The following CENPE variants were observed in gnomAD, a reference collection of about 807,000 sequenced individuals.
CENPE encodes centromere-associated protein E.
CENPE carries 145 observed loss-of-function variants against 336.1 expected under a neutral mutation model. That is an observed-to-expected ratio of 0.43 (90% CI 0.38 to 0.50). CENPE has a LOEUF of 0.50. Among genes scored for constraint, CENPE ranks in the 20% least tolerant of loss-of-function variants. The pLI is 0.00. For missense variants in CENPE, 2,719 were observed against 3,023.3 expected (o/e 0.90, Z 2.36); for synonymous variants, 1,013 against 984.8 (o/e 1.03, Z -0.54).
chr4:103,196,176 T>A lies in CENPE; in HGVS notation c.225A>T (p.Ile75=), dbSNP rs1757716906. The stretch of plus-strand genomic sequence containing the variant: ...GTGAATACAAACCATTGTAGCCTTG[T>A]ATGGCAGAATCGATGATTGGTGCTG... The part of the protein sequence containing the change: ...EIAAPIIDSA[I]QGYNGTIFAY... The change falls in exon 3 of 49, where the codon ATA becomes ATT. Residue 75 remains isoleucine, a synonymous_variant. Transcript: ENST00000265148. 2.5e-6 allele frequency: 4 copies of A among 1,613,812 alleles called. No individual in the cohort carries two copies. The highest frequency in any genetic ancestry group is 2.5e-6 in the Non-Finnish European group (3 of 1,179,700).
At chr4:103,165,001 A>C (rs1044718921) in intron 16 of CENPE, among the ~76,000 whole-genome samples, 5 of 152,184 alleles carry the variant, frequency 3.3e-5, no homozygotes, top group African/African-American at 1.2e-4. Flanking sequence ...TTTAAAGAAT[A>C]CTAATTTAGA....
chr4:103,122,955 C>A lies in CENPE; in HGVS notation c.7059G>T (p.Leu2353Phe). 2 of 1,613,962 alleles carry A rather than the reference C, an allele frequency of 1.2e-6. No homozygotes were observed. Among genetic ancestry groups the A allele is most frequent in the Non-Finnish European group, 1.7e-6 (2 of 1,179,896 alleles). Residue 2353 changes from leucine to phenylalanine, a missense_variant, in exon 43 of 49, where the codon TTG (leucine) becomes TTT (phenylalanine). Leu to Phe is a conservative substitution (Grantham distance 22). This residue lies in a region of CENPE where 2,437 missense variants were observed against 2,513.3 expected (regional missense o/e 0.97). Coordinates refer to ENST00000265148, the MANE Select transcript of CENPE (RefSeq NM_001813.3). ...TAGGATTAACCTGGGCACCAGATGC[C>A]AAGGAAGTCTTCAATGTTTGGTAGT... is the stretch of plus-strand genomic sequence containing the variant. ...FKNYQTLKTS[L>F]ASGAQVNPTT... is the part of the protein sequence containing the mutation.
intron 24 of CENPE, among the ~76,000 whole-genome samples, chr4:103,156,193 C>G (rs916398532): frequency 6.6e-6 from 1 of 152,148 alleles, no homozygotes; most frequent in African/African-American, 2.4e-5. Context: ...TAATCCCTAT[C>G]AAAATCCCAA....
At chr4:103,138,097 A>G (rs1752221225) in intron 39 of CENPE, among the ~76,000 whole-genome samples, 2 of 152,074 alleles carry the variant, frequency 1.3e-5, no homozygotes, top group South Asian at 4.1e-4. Context: ...GTATGGCCTG[A>G]CCCTTTACCT....
At position 103,160,659 on chromosome 4, in the gene CENPE, G is replaced by A; in HGVS notation, c.2252C>T (p.Ser751Phe). 1 of 1,610,726 alleles carries A rather than the reference G, an allele frequency of 6.2e-7. No individual in the cohort carries two copies. The highest frequency in any genetic ancestry group is 8.5e-7 in the Non-Finnish European group (1 of 1,178,366). Reference protein sequence around the residue: ...EEVILLSELKSLPSEVERLRK... With the variant: ...EEVILLSELKFLPSEVERLRK... ...CAGCCTTTCTACTTCAGAAGGTAAAGATTTCAATTCTGAAAGCAAAATGAC... is the reference window on the plus strand; with the variant it reads ...CAGCCTTTCTACTTCAGAAGGTAAAAATTTCAATTCTGAAAGCAAAATGAC... Residue 751 changes from serine (S) to phenylalanine (F), a missense_variant, in exon 21 of 49, where the codon TCT (serine) becomes TTT (phenylalanine). Transcript: ENST00000265148.
chr4:103,163,041 C>A, intron 18 of CENPE, 96 bp downstream of exon 18: 1 of 946,648 alleles, frequency 1.1e-6, no homozygotes, highest in South Asian at 2.1e-5. Context: ...TACAACAATA[C>A]ACAGCACAAA....
At position 103,180,402 on chromosome 4, in the gene CENPE, T is replaced by C. The variant is rs1163005437; in HGVS notation, c.1151A>G (p.Asp384Gly). The change falls in exon 13 of 49, where the codon GAT becomes GGT. Residue 384 changes from aspartate to glycine, a missense_variant. Physicochemically the swap from Asp to Gly is moderately conservative, Grantham distance 94 (BLOSUM62 -1). Around this residue, in one of 5 missense-constraint regions of CENPE, gnomAD observed 117 missense variants for 215.8 expected, o/e 0.54. Coordinates refer to ENST00000265148, the MANE Select transcript of CENPE (RefSeq NM_001813.3). ...DQLAQLLEEKDLLQKVQNEKI... is the reference protein window; with the variant it reads ...DQLAQLLEEKGLLQKVQNEKI... The stretch of plus-strand genomic sequence containing the variant: ...CTCATTCTGTACTTTCTGAAGCAAA[T>C]CTTTTTCTTCCAAAAGTTGGGCCAA... 6.2e-7 allele frequency: 1 copy of C among 1,613,186 alleles called. No individual in the cohort carries two copies. Among genetic ancestry groups the C allele is most frequent in the South Asian group, 1.1e-5 (1 of 90,982 alleles).
chr4:103,136,051 A>G, intron 40 of CENPE, 90 bp downstream of exon 40: 1 of 1,066,756 alleles, frequency 9.4e-7, no homozygotes, highest in Non-Finnish European at 1.4e-6. Context: ...AATACTAAAT[A>G]GCAAATATGC....
chr4:103,122,303 TACA>T (rs1750703394), intron 43 of CENPE, among the ~76,000 whole-genome samples: 2 of 152,186 alleles, frequency 1.3e-5, no homozygotes, highest in Non-Finnish European at 2.9e-5. Flanking sequence ...GCTAACAAAA[TACA>T]ACATTTTACG....
chr4:103,141,795 AT>A lies in CENPE; in HGVS notation c.5417del (p.Asn1806IlefsTer6), dbSNP rs771617667. ...TTGAATTTTCTAAATCTTTTTGCAT[AT>A]TTGATAGTTTATCTGTCTTCTCAGA... Reference protein sequence around the residue: ...IVSEKTDKLSNMQKDLENSNA... With the variant: ...IVSEKTDKLSXMQKDLENSNA... On this transcript the variant is annotated frameshift_variant, in exon 35 of 49. Coordinates refer to ENST00000265148, the MANE Select transcript of CENPE (RefSeq NM_001813.3). LOFTEE classifies it high-confidence loss of function. The A allele has an allele frequency of 6.4e-7, 1 of 1,562,232 alleles. No homozygotes were observed. The highest frequency in any genetic ancestry group is 1.2e-5 in the South Asian group (1 of 86,598).
intron 48 of CENPE, among the ~76,000 whole-genome samples, chr4:103,108,425 C>G (rs1467296941): frequency 2.0e-5 from 3 of 152,050 alleles, no homozygotes; most frequent in African/African-American, 7.2e-5. Flanking sequence ...AATGATTCAT[C>G]TATTATCTGG....
intron 2 of CENPE, 145 bp from the exon 3 acceptor site, chr4:103,196,397 A>T (rs1757737019): frequency 1.4e-6 from 1 of 693,088 alleles, no homozygotes; most frequent in Non-Finnish European, 2.4e-6. Flanking sequence ...ATTTTTTTCA[A>T]CTTTTTGGTT....
chr4:103,135,159 C>T (rs144559015), intron 40 of CENPE, among the ~76,000 whole-genome samples: 1 of 152,194 alleles, frequency 6.6e-6, no homozygotes. Flanking sequence ...GTTTTTATCC[C>T]AAGGCTCTTA....
At chr4:103,195,431 A>G (rs1757663308) in intron 4 of CENPE, among the ~76,000 whole-genome samples, 198 bp from the exon 5 acceptor site, 1 of 152,126 alleles carries the variant, frequency 6.6e-6, no homozygotes, top group Non-Finnish European at 1.5e-5. Flanking sequence ...AGTACCATAA[A>G]GCTGGGAGAA....
intron 42 of CENPE, 98 bp from the exon 43 acceptor site, chr4:103,123,187 C>T (rs955547968): frequency 1.2e-6 from 1 of 839,834 alleles, no homozygotes; most frequent in Admixed American, 2.3e-5. Flanking sequence ...TACCCTCAGT[C>T]AAAAGTGGTC....
chr4:103,144,735 C>G (rs949618933), intron 32 of CENPE, 117 bp from the exon 33 acceptor site: 5 of 697,616 alleles, frequency 7.2e-6, no homozygotes, highest in Non-Finnish European at 1.2e-5. Flanking sequence ...GTAGTACTTT[C>G]TTTCATAAGG....
chr4:103,113,120 GTATA>G (rs1308404389), intron 46 of CENPE, among the ~76,000 whole-genome samples: 2 of 90,802 alleles, frequency 2.2e-5, no homozygotes, highest in Non-Finnish European at 4.5e-5. Flanking sequence ...ATACTTATAA[GTATA>G]TGTGTATATA....
At chr4:103,109,150 C>T in intron 47 of CENPE, 61 bp from the exon 48 acceptor site, 1 of 1,256,206 alleles carries the variant, frequency 8.0e-7, no homozygotes, top group Non-Finnish European at 1.1e-6. Flanking sequence ...GATGTATTCA[C>T]ATTTATATTT....
intron 43 of CENPE, among the ~76,000 whole-genome samples, chr4:103,121,824 G>T (rs1028337173): frequency 1.3e-5 from 2 of 151,886 alleles, no homozygotes; most frequent in African/African-American, 2.4e-5. Flanking sequence ...GCCTCCCAAA[G>T]TACTGGGATT....
Sources: gnomAD v4.1 joint callset for allele counts (sites outside exome capture counted in the v4.1 genomes callset) on GRCh38, gnomAD v4.1.1 for gene constraint, gnomAD v4.1.1 regional missense constraint, MANE v1.5 for transcripts, NCBI Gene and HGNC (gene_info 2026-07-23, HGNC 2026-07-21) for gene names.